STT3A: variants seen among roughly 807,000 people sequenced by gnomAD.
STT3A encodes the protein STT3 oligosaccharyltransferase complex catalytic subunit A.
Under a neutral mutation model 89.2 loss-of-function variants are expected in STT3A, and 34 were observed. That is an observed-to-expected ratio of 0.38 (90% confidence interval 0.29 to 0.51). The LOEUF is 0.51. STT3A is among the 20% of genes least tolerant of loss of function. The probability of loss-of-function intolerance (pLI) is 0.89; values close to 1 mark genes in which losing one functional copy is unlikely to be tolerated. For missense variants in STT3A, 555 were observed against 889.5 expected, an observed-to-expected ratio of 0.62 and a Z score of 4.78; for synonymous variants, 282 against 310.3, an observed-to-expected ratio of 0.91 and a Z score of 0.96.
In STT3A at chr11:125,614,138, G is replaced by A; in HGVS notation, c.1606G>A (p.Ala536Thr). Reference sequence around the variant, plus strand: ...TTATGGCTATCAGATTACAGCTATGGCAAACCGAACAATTTTAGTGGACAA... The same window carrying A: ...TTATGGCTATCAGATTACAGCTATGACAAACCGAACAATTTTAGTGGACAA... ...WDYGYQITAM[A>T]NRTILVDNNT... Residue 536 changes from alanine to threonine, a missense_variant, in exon 14 of 18, where the codon GCA becomes ACA. Ala to Thr is a moderately conservative substitution (Grantham distance 58, BLOSUM62 0). Coordinates refer to ENST00000392708, the MANE Select transcript of STT3A (RefSeq NM_152713.5). This position sits in a 1 kb window ranked among gnomAD's most constrained non-coding sequence, Gnocchi z 4.9. 1 of 1,614,146 alleles carries A rather than the reference G, an allele frequency of 6.2e-7. No homozygotes were observed. The highest frequency in any genetic ancestry group is 8.5e-7 in the Non-Finnish European group (1 of 1,180,032).
At position 125,602,434 on chromosome 11, in the gene STT3A, C is replaced by A; in HGVS notation, c.271+10C>A. The A allele has an allele frequency of 1.3e-6, 2 of 1,563,080 alleles. No individual in the cohort carries two copies. Among genetic ancestry groups the A allele is most frequent in the South Asian group, 1.2e-5 (1 of 82,260 alleles). On this transcript the variant is annotated intron_variant, in intron 4 of 17. Transcript: ENST00000392708. ...GGAACAATTTACCCAGGTGAGGAGA[C>A]CAGATGTGTTTTTTTTTTTAAAAAA...
intron 9 of STT3A, among the ~76,000 whole-genome samples, chr11:125,608,580 C>A (rs1461699927): frequency 2.6e-5 from 4 of 152,244 alleles, no homozygotes; most frequent in Non-Finnish European, 5.9e-5. Context: ...CCCGCCTCGG[C>A]CTCCCAAATT....
chr11:125,613,929 C>T lies in STT3A; in HGVS notation c.1555-158C>T, dbSNP rs1288462287. The T allele has an allele frequency of 7.7e-6, 5 of 647,310 alleles. No individual in the cohort carries two copies. The highest frequency in any genetic ancestry group is 1.8e-5 in the African/African-American group (1 of 55,044). 40.1% of individuals were successfully genotyped at this position (647,310 alleles called of 1,614,324 possible). A position where few individuals can be genotyped will look rare whatever the true frequency, so the allele number is the denominator to read the frequency against. On this transcript the variant is annotated intron_variant, in intron 13 of 17. Coordinates refer to ENST00000392708, the MANE Select transcript of STT3A (RefSeq NM_152713.5). The surrounding 1 kb of genome is among the most constrained non-coding windows in gnomAD (Gnocchi z 4.2). ...TTGTATATAAATGGAAGACCAGGTG[C>T]CAGGATTTATTTTCTGGTTTGACAT...
rs1441987791 is a variant in STT3A at position 125,622,571 on chromosome 11, T to C, written c.*1761T>C. 1 of 152,190 alleles carries C rather than the reference T, an allele frequency of 6.6e-6. No individual in the cohort carries two copies. The highest frequency in any genetic ancestry group is 2.4e-5 in the African/African-American group (1 of 41,434). 9.4% of individuals were successfully genotyped at this position (152,190 alleles called of 1,614,324 possible). On this transcript the variant is annotated 3_prime_UTR_variant, in exon 18 of 18. Transcript: ENST00000392708. ...AGTGTACTCTTCATTTTCACTGTTA[T>C]TGTGTACTTAGCATAAAAAACTCAA...
At chr11:125,605,233 C>T (rs1182363976) in intron 6 of STT3A, among the ~76,000 whole-genome samples, 2 of 151,260 alleles carry the variant, frequency 1.3e-5, no homozygotes, top group African/African-American at 2.4e-5. Flanking sequence ...AGGCAGATAT[C>T]AAGGAAAGGG....
chr11:125,593,617 T>G lies in STT3A; in HGVS notation c.-36+699T>G, dbSNP rs1157024895. The G allele has an allele frequency of 2.0e-5, 3 of 152,258 alleles. No homozygotes were observed. In the East Asian group the frequency reaches 5.8e-4, roughly 29 times the overall value. The allele number at this position is 152,258 out of a possible 1,614,324, so 9.4% of individuals were successfully genotyped here. ...TGTGGCTCGTATCAACGCAGTGGTG[T>G]TAAGTTTGTTCCTATTTCAGGCATT... On this transcript the variant is annotated intron_variant, in intron 1 of 17. Transcript: ENST00000392708.
At chr11:125,598,028 A>G (rs527469087) in intron 3 of STT3A, among the ~76,000 whole-genome samples, 7 of 152,320 alleles carry the variant, frequency 4.6e-5, no homozygotes, top group African/African-American at 1.7e-4. Context: ...CCTGGCCAAC[A>G]TAGTAAAACC....
intron 15 of STT3A, among the ~76,000 whole-genome samples, chr11:125,615,506 C>T (rs888663218): frequency 1.3e-5 from 2 of 151,910 alleles, no homozygotes; most frequent in South Asian, 2.1e-4. Context: ...AATCATAATA[C>T]AACAATAAAA....
intron 3 of STT3A, among the ~76,000 whole-genome samples, chr11:125,597,357 G>A (rs1375011855): frequency 2.7e-5 from 4 of 150,044 alleles, no homozygotes; most frequent in African/African-American, 4.9e-5. Context: ...GGCTGAGGTG[G>A]AGGGATCACT....
Position 125,605,652 on chromosome 11 carries a change from C to G in STT3A, c.532C>G (p.Leu178Val). Residue 178 changes from leucine to valine, a missense_variant, in exon 7 of 18, where the codon CTC (leucine) becomes GTC (valine). Around this residue, in one of 5 missense-constraint regions of STT3A, gnomAD observed 149 missense variants for 206.2 expected, o/e 0.72. Transcript: ENST00000392708. ...NEGIAIFCML[L>V]TYYMWIKAVK... ...AGGGATTGCCATCTTTTGCATGCTA[C>G]TCACCTACTACATGTGGATCAAGGC... The G allele has an allele frequency of 6.2e-7, 1 of 1,613,998 alleles. No homozygotes were observed. Among genetic ancestry groups the G allele is most frequent in the South Asian group, 1.1e-5 (1 of 91,048 alleles).
intron 6 of STT3A, among the ~76,000 whole-genome samples, 154 bp from the exon 7 acceptor site, chr11:125,605,475 T>G (rs1939803998): frequency 6.6e-6 from 1 of 152,252 alleles, no homozygotes; most frequent in Non-Finnish European, 1.5e-5. Flanking sequence ...TATTACTTCT[T>G]CTTACATGAA....
At chr11:125,615,563 T>C (rs1445175800) in intron 15 of STT3A, among the ~76,000 whole-genome samples, 1 of 152,220 alleles carries the variant, frequency 6.6e-6, no homozygotes, top group Non-Finnish European at 1.5e-5. Flanking sequence ...ACATAGCATC[T>C]ACACTGTATT....
At chr11:125,616,052 AAAG>A (rs1188285375) in intron 15 of STT3A, among the ~76,000 whole-genome samples, 1 of 152,186 alleles carries the variant, frequency 6.6e-6, no homozygotes, top group Non-Finnish European at 1.5e-5. Context: ...AAAAAAGAAA[AAAG>A]AAAAATGCAA....
At position 125,613,241 on chromosome 11, in the gene STT3A, A is replaced by G. The variant is rs572188550; in HGVS notation, c.1554+64A>G. On this transcript the variant is annotated intron_variant, in intron 13 of 17. Coordinates refer to ENST00000392708, the MANE Select transcript of STT3A (RefSeq NM_152713.5). The surrounding 1 kb of genome is among the most constrained non-coding windows in gnomAD (Gnocchi z 4.2). ...CAAAGGGGAAGACATTTGATGTTAC[A>G]GTGAATCATACAGCTTTTAGATGGG... 4.5e-6 allele frequency: 7 copies of G among 1,565,114 alleles called. No individual in the cohort carries two copies. The Admixed American group carries it at 6.8e-5, about 15-fold the overall frequency.
chr11:125,610,633 C>T (rs1939976473), intron 10 of STT3A: 1 of 151,984 alleles, frequency 6.6e-6, no homozygotes, highest in South Asian at 2.1e-4. Context: ...GGGAGGATTG[C>T]TTGAGGCGAG....
At chr11:125,600,861 A>G (rs1205679709) in intron 3 of STT3A, among the ~76,000 whole-genome samples, 1 of 152,110 alleles carries the variant, frequency 6.6e-6, no homozygotes, top group East Asian at 1.9e-4. Flanking sequence ...ATCATGGCTC[A>G]CTGTAGCCTT....
Position 125,614,048 on chromosome 11 carries a change from T to C in STT3A, c.1555-39T>C, listed in dbSNP as rs770527652. On this transcript the variant is annotated intron_variant, in intron 13 of 17. Transcript: ENST00000392708. This position sits in a 1 kb window ranked among gnomAD's most constrained non-coding sequence, Gnocchi z 4.9. ...TGTTGCATTTGATTTTTAGAGACAGTGAGAAGCTTGTTATTTCCATTTCCC... is the reference window on the plus strand; with the variant it reads ...TGTTGCATTTGATTTTTAGAGACAGCGAGAAGCTTGTTATTTCCATTTCCC... The C allele has an allele frequency of 3.8e-6, 6 of 1,569,726 alleles. No individual in the cohort carries two copies. The South Asian group carries it at 5.5e-5, about 15-fold the overall frequency.
At chr11:125,608,629 C>CTTAG (rs1939909703) in intron 9 of STT3A, among the ~76,000 whole-genome samples, 2 of 152,212 alleles carry the variant, frequency 1.3e-5, no homozygotes, top group African/African-American at 4.8e-5. Flanking sequence ...CCCGGTCAGG[C>CTTAG]TTAGAGCTTT....
intron 8 of STT3A, among the ~76,000 whole-genome samples, chr11:125,607,636 G>A (rs1014012238): frequency 1.3e-5 from 2 of 152,202 alleles, no homozygotes; most frequent in Admixed American, 6.5e-5. Flanking sequence ...TCTGTGCTTC[G>A]ACACTCCTAC....
Sources: gnomAD v4.1 joint callset for allele counts (sites outside exome capture counted in the v4.1 genomes callset) on GRCh38, gnomAD v4.1.1 for gene constraint, gnomAD v4.1.1 regional missense constraint, Gnocchi (gnomAD v3.1) non-coding constraint, MANE v1.5 for transcripts, NCBI Gene and HGNC (gene_info 2026-07-23, HGNC 2026-07-21) for gene names.